PDZD8: variants seen among roughly 807,000 people sequenced by gnomAD.
The protein encoded by PDZD8 is PDZ domain containing 8.
PDZD8 carries 14 observed loss-of-function variants against 85.8 expected under a neutral mutation model. The observed-to-expected ratio is 0.16, with a 90% CI of 0.11 to 0.26. The LOEUF (loss-of-function observed/expected upper bound fraction) is 0.26. PDZD8 is among the 10% of genes least tolerant of loss of function. PDZD8 has a pLI of 1.00. For missense variants in PDZD8, 1,197 were observed against 1,424.3 expected, an observed-to-expected ratio of 0.84 and a Z score of 2.57; for synonymous variants, 592 against 568.6, an observed-to-expected ratio of 1.04 and a Z score of -0.59.
At chr10:117,318,590 T>C (rs1388422077) in intron 3 of PDZD8, among the ~76,000 whole-genome samples, 1 of 152,224 alleles carries the variant, frequency 6.6e-6, no homozygotes, top group Non-Finnish European at 1.5e-5. Context: ...GGTGTTTAGT[T>C]AAAATTAGTT....
At chr10:117,339,721 G>C (rs1844578235) in intron 2 of PDZD8, among the ~76,000 whole-genome samples, 1 of 152,178 alleles carries the variant, frequency 6.6e-6, no homozygotes, top group South Asian at 2.1e-4. Context: ...TTGTATAGTT[G>C]CAACAGAGAG....
intron 1 of PDZD8, among the ~76,000 whole-genome samples, chr10:117,370,608 G>A (rs1398931508): frequency 6.6e-6 from 1 of 152,174 alleles, no homozygotes; most frequent in Non-Finnish European, 1.5e-5. Context: ...TTGGGAGGCC[G>A]AGGTGGGTAG....
In PDZD8 at chr10:117,311,837, G is replaced by C. The variant is rs1472779592; in HGVS notation, c.1098+7035C>G. Among the ~76,000 whole-genome samples, 8 of 151,704 alleles carry C rather than the reference G, an allele frequency of 5.3e-5. No individual in the cohort carries two copies. In the East Asian group the frequency reaches 7.8e-4, roughly 15 times the overall value. On this transcript the variant is annotated intron_variant, in intron 3 of 4. Transcript: ENST00000334464. ...AACCTTTGGCTGGAAGGAAGGGCAGGGGGAGGAAGAGGTGGTATTAGTAGA... is the reference window on the plus strand; with the variant it reads ...AACCTTTGGCTGGAAGGAAGGGCAGCGGGAGGAAGAGGTGGTATTAGTAGA...
At chr10:117,329,749 G>C in intron 2 of PDZD8, among the ~76,000 whole-genome samples, 1 of 151,574 alleles carries the variant, frequency 6.6e-6, no homozygotes, top group Non-Finnish European at 1.5e-5. Flanking sequence ...AATTCAAGAC[G>C]AGCCTGGGCA....
Position 117,374,426 on chromosome 10 carries a change from T to A in PDZD8, c.802A>T (p.Thr268Ser). 6.2e-7 allele frequency: 1 copy of A among 1,614,158 alleles called. No homozygotes were observed. ...QFEGRPMPQL[T>S]SIIVNQLKKI... ...TTGAGCTGGTTGACGATGATGGAGGTGAGCTGGGGCATGGGCCGCCCTTCA... is the reference window on the plus strand; with the variant it reads ...TTGAGCTGGTTGACGATGATGGAGGAGAGCTGGGGCATGGGCCGCCCTTCA... Residue 268 changes from threonine (T) to serine (S), a missense_variant, in exon 1 of 5, where the codon ACC becomes TCC. By Grantham distance (58) the Thr-to-Ser change is moderately conservative. Transcript: ENST00000334464. The surrounding 1 kb of genome is among the most constrained non-coding windows in gnomAD (Gnocchi z 7.8).
chr10:117,332,734 C>T (rs571358262), intron 2 of PDZD8, among the ~76,000 whole-genome samples: 21 of 151,228 alleles, frequency 1.4e-4, no homozygotes, highest in African/African-American at 4.6e-4. Context: ...CTTGAACTCC[C>T]GACCTCAGGT....
In PDZD8 at chr10:117,341,002, C is replaced by T. The variant is rs1712542611; in HGVS notation, c.973G>A (p.Val325Ile). ...QWALTEGRLK[V>I]TLLECSRLLI... ...TACCTGCTACATTCTAACAACGTAA[C>T]TTTAAGACGGCCTTCAGTAAGTGCC... The change falls in exon 2 of 5, where the codon GTT becomes ATT. Residue 325 changes from valine (V) to isoleucine (I), a missense_variant. Transcript: ENST00000334464. 1.2e-6 allele frequency: 2 copies of T among 1,613,954 alleles called. No individual in the cohort carries two copies. The highest frequency in any genetic ancestry group is 1.3e-5 in the African/African-American group (1 of 74,914).
At chr10:117,334,344 T>C (rs1175035288) in intron 2 of PDZD8, among the ~76,000 whole-genome samples, 1 of 152,064 alleles carries the variant, frequency 6.6e-6, no homozygotes, top group African/African-American at 2.4e-5. Context: ...CTTTCTCTAC[T>C]AAAAATACAA....
intron 2 of PDZD8, among the ~76,000 whole-genome samples, chr10:117,325,653 T>C (rs972531872): frequency 1.3e-5 from 2 of 152,068 alleles, no homozygotes; most frequent in African/African-American, 4.8e-5. Flanking sequence ...TCTGCCCACC[T>C]CAGCCTCCCA....
chr10:117,311,390 C>G (rs1209435146), intron 3 of PDZD8, among the ~76,000 whole-genome samples: 2 of 152,060 alleles, frequency 1.3e-5, no homozygotes, highest in East Asian at 1.9e-4. Flanking sequence ...CTTTGAAGGT[C>G]TGGAAGAAGA....
Position 117,374,986 on chromosome 10 carries a change from G to A in PDZD8, c.242C>T (p.Thr81Ile), listed in dbSNP as rs767471860. ...CGGGGCGGGGGTCTCGGGGGCCGCGGTGGGGGTCGCGCCGCCCTCAGGGGC... is the reference window on the plus strand; with the variant it reads ...CGGGGCGGGGGTCTCGGGGGCCGCGATGGGGGTCGCGCCGCCCTCAGGGGC... ...GAAPEGGATP[T>I]AAPETPAPPT... Residue 81 changes from threonine to isoleucine, a missense_variant, in exon 1 of 5, where the codon ACC becomes ATC. Physicochemically the swap from Thr to Ile is moderately conservative, Grantham distance 89. Around this residue, in one of 4 missense-constraint regions of PDZD8, gnomAD observed 172 missense variants for 137.8 expected, o/e 1.25. Coordinates refer to ENST00000334464, the MANE Select transcript of PDZD8 (RefSeq NM_173791.5). This position sits in a 1 kb window ranked among gnomAD's most constrained non-coding sequence, Gnocchi z 7.8. 3.1e-6 allele frequency: 5 copies of A among 1,595,534 alleles called. No individual in the cohort carries two copies. In the African/African-American group the frequency reaches 6.7e-5, roughly 21 times the overall value.
intron 3 of PDZD8, among the ~76,000 whole-genome samples, chr10:117,304,720 G>A (rs912964718): frequency 2.0e-5 from 3 of 152,054 alleles, no homozygotes; most frequent in African/African-American, 7.2e-5. Flanking sequence ...AGATCTGATG[G>A]GTTTATCAGG....
At chr10:117,332,623 C>T (rs1844438568) in intron 2 of PDZD8, among the ~76,000 whole-genome samples, 1 of 151,302 alleles carries the variant, frequency 6.6e-6, no homozygotes, top group Non-Finnish European at 1.5e-5. Flanking sequence ...TATCTTGCCT[C>T]AGCCTCCCGA....
intron 1 of PDZD8, among the ~76,000 whole-genome samples, chr10:117,341,983 C>T (rs572298272): frequency 1.3e-5 from 2 of 152,270 alleles, no homozygotes; most frequent in East Asian, 3.9e-4. Flanking sequence ...CTGAAGAGGG[C>T]AATATTATTG....
At chr10:117,333,165 G>C (rs1237886498) in intron 2 of PDZD8, among the ~76,000 whole-genome samples, 1 of 119,064 alleles carries the variant, frequency 8.4e-6, no homozygotes, top group Non-Finnish European at 1.8e-5. Context: ...GGCAGAATAA[G>C]ATAACAGAAA....
chr10:117,317,165 T>C (rs919901842), intron 3 of PDZD8, among the ~76,000 whole-genome samples: 2 of 152,190 alleles, frequency 1.3e-5, no homozygotes, highest in African/African-American at 4.8e-5. Context: ...TTATAATTAG[T>C]GACTAACTTG....
At chr10:117,315,755 C>T (rs531871368) in intron 3 of PDZD8, among the ~76,000 whole-genome samples, 38 of 152,064 alleles carry the variant, frequency 2.5e-4, no homozygotes, top group South Asian at 1.5e-3. Flanking sequence ...TGTTCTGTGG[C>T]GCTAACCAGG....
intron 2 of PDZD8, among the ~76,000 whole-genome samples, chr10:117,330,317 T>G (rs1036216048): frequency 9.9e-5 from 15 of 152,158 alleles, no homozygotes; most frequent in South Asian, 2.1e-4. Flanking sequence ...CCCAAGAGTT[T>G]GCAGAACACT....
chr10:117,315,533 T>C (rs1417520292), intron 3 of PDZD8, among the ~76,000 whole-genome samples: 1 of 134,516 alleles, frequency 7.4e-6, no homozygotes, highest in Non-Finnish European at 1.5e-5. Flanking sequence ...GAGGTTGCAG[T>C]GAGCTGAGAC....
Sources: allele counts gnomAD v4.1 joint callset (sites outside exome capture counted in the v4.1 genomes callset), GRCh38; gene constraint gnomAD v4.1.1; regional missense constraint gnomAD v4.1.1; non-coding constraint Gnocchi (gnomAD v3.1); transcripts MANE v1.5; gene names NCBI Gene and HGNC (gene_info 2026-07-23, HGNC 2026-07-21).